The following DPY19L2 variants were observed in gnomAD, a reference collection of about 807,000 sequenced individuals.
DPY19L2 encodes the protein probable C-mannosyltransferase DPY19L2.
Under a neutral mutation model 97.9 loss-of-function variants are expected in DPY19L2, and 34 were observed. The ratio of observed to expected loss-of-function variants is 0.35; its 90% CI spans 0.26 to 0.46. DPY19L2 has a LOEUF of 0.46. Among genes scored for constraint, DPY19L2 ranks in the 20% least tolerant of loss-of-function variants. The probability of loss-of-function intolerance (pLI) is 1.00; values close to 1 mark genes in which losing one functional copy is unlikely to be tolerated. For synonymous variants in DPY19L2, 230 were observed against 307.9 expected, an observed-to-expected ratio of 0.75 and a Z score of 2.65; for missense variants, 623 against 911.4, an observed-to-expected ratio of 0.68 and a Z score of 4.07.
At chr12:63,593,737 A>C (rs533274404) in intron 16 of DPY19L2, among the ~76,000 whole-genome samples, 1 of 152,070 alleles carries the variant, frequency 6.6e-6, no homozygotes, top group Non-Finnish European at 1.5e-5. Flanking sequence ...ACATGTATAC[A>C]TATGTAACTA....
intron 11 of DPY19L2, among the ~76,000 whole-genome samples, chr12:63,613,029 A>T (rs1391622018): frequency 6.6e-6 from 1 of 152,118 alleles, no homozygotes; most frequent in East Asian, 1.9e-4. Context: ...AAACATTCCT[A>T]CAAAGAAAGT....
chr12:63,612,447 T>C lies in DPY19L2; in HGVS notation c.1219-3772A>G, dbSNP rs1363615016. On this transcript the variant is annotated intron_variant, in intron 11 of 21. Coordinates refer to ENST00000324472, the MANE Select transcript of DPY19L2 (RefSeq NM_173812.5). Reference sequence around the variant, plus strand: ...ATATCACATGTTTAAGTAAAATGTATGACAATAACATGAAATAAATTTAAA... The same window carrying C: ...ATATCACATGTTTAAGTAAAATGTACGACAATAACATGAAATAAATTTAAA... 2.6e-5 allele frequency among the ~76,000 whole-genome samples: 4 copies of C among 151,938 alleles called. No individual in the cohort carries two copies. The East Asian group carries it at 7.7e-4, about 29-fold the overall frequency.
At chr12:63,636,826 A>G (rs1417234686) in intron 6 of DPY19L2, among the ~76,000 whole-genome samples, 1 of 152,162 alleles carries the variant, frequency 6.6e-6, no homozygotes, top group African/African-American at 2.4e-5. Context: ...ACTCCCACAC[A>G]ATAATAATGG....
chr12:63,560,507 C>G lies in DPY19L2; in HGVS notation c.*5G>C. On this transcript the variant is annotated 3_prime_UTR_variant, in exon 22 of 22. Coordinates refer to ENST00000324472, the MANE Select transcript of DPY19L2 (RefSeq NM_173812.5). Reference sequence around the variant, plus strand: ...TGTGCCATAGTAAAATGGGTAGTATCCTTCTCAGTTAACCTTTAATACTCT... The same window carrying G: ...TGTGCCATAGTAAAATGGGTAGTATGCTTCTCAGTTAACCTTTAATACTCT... 6.2e-7 allele frequency: 1 copy of G among 1,612,408 alleles called. No homozygotes were observed. The highest frequency in any genetic ancestry group is 8.5e-7 in the Non-Finnish European group (1 of 1,179,146).
At chr12:63,636,064 A>G (rs1331593996) in intron 6 of DPY19L2, among the ~76,000 whole-genome samples, 2 of 151,996 alleles carry the variant, frequency 1.3e-5, no homozygotes, top group Admixed American at 6.6e-5. Flanking sequence ...AGCCCATGAG[A>G]CTAACAGCTG....
chr12:63,668,561 C>CCCCATGGTTGGAATG (rs1896612979), upstream of DPY19L2: 1 of 706,958 alleles, frequency 1.4e-6, no homozygotes, highest in African/African-American at 1.8e-5. Flanking sequence ...GGGGCGCATG[C>CCCCATGGTTGGAATG]GTTGGAAGCC....
chr12:63,661,251 T>C lies in DPY19L2; in HGVS notation c.588+93A>G, dbSNP rs559997843. 1.2e-4 allele frequency: 156 copies of C among 1,261,750 alleles called. 1 individual carries two copies. In the Middle Eastern group the frequency reaches 3.0e-3, roughly 25 times the overall value. The allele number at this position is 1,261,750 out of a possible 1,614,324, so 78.2% of individuals were successfully genotyped here. A position where few individuals can be genotyped will look rare whatever the true frequency, so the allele number is the denominator to read the frequency against. Reference sequence around the variant, plus strand: ...ACACACAATTAATAAACCTGAAACGTCCCCTCCCTTTCTTAACAAGATTGT... The same window carrying C: ...ACACACAATTAATAAACCTGAAACGCCCCCTCCCTTTCTTAACAAGATTGT... On this transcript the variant is annotated intron_variant, in intron 4 of 21. Coordinates refer to ENST00000324472, the MANE Select transcript of DPY19L2 (RefSeq NM_173812.5).
intron 4 of DPY19L2, among the ~76,000 whole-genome samples, chr12:63,654,184 T>C (rs1894651743): frequency 6.6e-6 from 1 of 152,086 alleles, no homozygotes; most frequent in South Asian, 2.1e-4. Flanking sequence ...GCTTTCACTT[T>C]CTTCCTGAGT....
intron 11 of DPY19L2, among the ~76,000 whole-genome samples, chr12:63,610,288 T>C (rs1489759734): frequency 2.1e-5 from 3 of 140,444 alleles, no homozygotes; most frequent in Non-Finnish European, 4.6e-5. Context: ...GAAGGAATAG[T>C]GGGAAGTATT....
chr12:63,613,239 A>C (rs1887301361), intron 11 of DPY19L2, among the ~76,000 whole-genome samples: 1 of 152,174 alleles, frequency 6.6e-6, no homozygotes, highest in Admixed American at 6.5e-5. Context: ...TTAGGTGCAA[A>C]ATCGTAAGTA....
In DPY19L2 at chr12:63,589,357, C is replaced by CAAAAAAAAAAAAAAAAAA. The variant is rs71086687; in HGVS notation, c.1580+4712_1580+4729dup. On this transcript the variant is annotated intron_variant, in intron 16 of 21. Transcript: ENST00000324472. ...AATGTGGCTAGATAAAAATGTGTTG[C>CAAAAAAAAAAAAAAAAAA]AAAAAAAAAAAAAAAAAAAAAAAAA... Among the ~76,000 whole-genome samples the CAAAAAAAAAAAAAAAAAA allele has an allele frequency of 2.6e-4, 5 of 18,986 alleles. 1 individual carries two copies. The highest frequency in any genetic ancestry group is 4.2e-4 in the Non-Finnish European group (4 of 9,526). 12.5% of individuals were successfully genotyped at this position (18,986 alleles called of 152,430 possible).
intron 13 of DPY19L2, among the ~76,000 whole-genome samples, chr12:63,598,434 A>G (rs931938276): frequency 1.3e-5 from 2 of 152,174 alleles, no homozygotes; most frequent in Admixed American, 6.5e-5. Context: ...ATAATTATAC[A>G]TACGACTTTG....
At chr12:63,639,592 A>G (rs1482405064) in intron 6 of DPY19L2, among the ~76,000 whole-genome samples, 2 of 152,228 alleles carry the variant, frequency 1.3e-5, no homozygotes, top group Non-Finnish European at 2.9e-5. Flanking sequence ...CAACAGACAT[A>G]TGAAAAAATG....
chr12:63,639,587 G>A (rs1365031214), intron 6 of DPY19L2, among the ~76,000 whole-genome samples: 4 of 152,128 alleles, frequency 2.6e-5, no homozygotes, highest in Admixed American at 6.6e-5. Context: ...GCAGCCAACA[G>A]ACATATGAAA....
intron 6 of DPY19L2, among the ~76,000 whole-genome samples, chr12:63,627,357 T>A (rs973299011): frequency 2.0e-5 from 3 of 152,062 alleles, no homozygotes; most frequent in African/African-American, 7.2e-5. Flanking sequence ...GTTGTTGTTT[T>A]GTTTTGTTTT....
intron 9 of DPY19L2, among the ~76,000 whole-genome samples, chr12:63,618,752 G>T (rs1888229129): frequency 6.6e-6 from 1 of 152,080 alleles, no homozygotes; most frequent in Admixed American, 6.6e-5. Flanking sequence ...CATAAAGGTG[G>T]TTCAAGATTT....
chr12:63,588,844 C>A (rs776892797), intron 16 of DPY19L2, among the ~76,000 whole-genome samples: 1 of 151,064 alleles, frequency 6.6e-6, no homozygotes, highest in Non-Finnish European at 1.5e-5. Context: ...ACCTCCGCCT[C>A]CCGGGTTCAC....
intron 14 of DPY19L2, 53 bp from the exon 15 acceptor site, chr12:63,596,090 T>C: frequency 6.6e-7 from 1 of 1,513,776 alleles, no homozygotes; most frequent in Non-Finnish European, 8.9e-7. Context: ...TACATTAAAT[T>C]AGTAAACACC....
intron 11 of DPY19L2, among the ~76,000 whole-genome samples, chr12:63,613,191 T>A (rs1887292234): frequency 6.6e-6 from 1 of 152,182 alleles, no homozygotes; most frequent in East Asian, 1.9e-4. Context: ...AAGACAAAGA[T>A]GTCACAAGAG....
Sources: allele counts gnomAD v4.1 joint callset (sites outside exome capture counted in the v4.1 genomes callset), GRCh38; gene constraint gnomAD v4.1.1; transcripts MANE v1.5; gene names NCBI Gene and HGNC (gene_info 2026-07-23, HGNC 2026-07-21).